TTC7B: variants seen among roughly 807,000 people sequenced by gnomAD.
The protein encoded by TTC7B is tetratricopeptide repeat protein 7B.
TTC7B carries 28 observed loss-of-function variants against 106.8 expected under a neutral mutation model. The observed-to-expected ratio is 0.26, with a 90% confidence interval of 0.19 to 0.36. TTC7B has a LOEUF of 0.36. Ranked by LOEUF, TTC7B falls within the 10% of genes least tolerant of loss-of-function variation. The probability of loss-of-function intolerance (pLI) is 1.00; values close to 1 mark genes in which losing one functional copy is unlikely to be tolerated. For synonymous variants in TTC7B, 405 were observed against 430.6 expected, an observed-to-expected ratio of 0.94 and a Z score of 0.74; for missense variants, 862 against 1,076.4, an observed-to-expected ratio of 0.80 and a Z score of 2.79.
chr14:90,580,022 C>T (rs1257298892), intron 18 of TTC7B, among the ~76,000 whole-genome samples: 1 of 152,194 alleles, frequency 6.6e-6, no homozygotes, highest in Non-Finnish European at 1.5e-5. Context: ...CCACCTGCTC[C>T]GAAGCCCTCC....
At chr14:90,703,009 T>C (rs988505444) in intron 5 of TTC7B, among the ~76,000 whole-genome samples, 2 of 152,094 alleles carry the variant, frequency 1.3e-5, no homozygotes, top group Non-Finnish European at 2.9e-5. Context: ...CACTAAAAAA[T>C]TTGAACTCAA....
chr14:90,635,759 CA>C (rs34829977), intron 15 of TTC7B, among the ~76,000 whole-genome samples: 36,512 of 110,450 alleles, frequency 0.33, 5,288 homozygotes, highest in Admixed American at 0.44. Flanking sequence ...GACTCTGTCT[CA>C]AAAAAAAAAA....
chr14:90,717,685 T>A (rs536102068), intron 5 of TTC7B, among the ~76,000 whole-genome samples: 5 of 152,190 alleles, frequency 3.3e-5, no homozygotes, highest in East Asian at 1.9e-4. Context: ...GATGATTTTT[T>A]AAAAACAGGT....
intron 5 of TTC7B, among the ~76,000 whole-genome samples, chr14:90,728,080 T>A (rs1468192947): frequency 6.6e-6 from 1 of 152,144 alleles, no homozygotes; most frequent in African/African-American, 2.4e-5. Flanking sequence ...TGGGGTATAT[T>A]CTGTGGCCCC....
At chr14:90,740,258 C>T (rs1889703365) in intron 4 of TTC7B, among the ~76,000 whole-genome samples, 1 of 152,152 alleles carries the variant, frequency 6.6e-6, no homozygotes, top group African/African-American at 2.4e-5. Context: ...GCACATGCTG[C>T]TGCTCTCAGC....
chr14:90,729,847 G>A (rs567087309), intron 5 of TTC7B, among the ~76,000 whole-genome samples: 41 of 152,184 alleles, frequency 2.7e-4, no homozygotes, highest in South Asian at 1.7e-3. Context: ...TTTTGACTTG[G>A]GTTCCCTCCC....
chr14:90,603,136 G>A (rs1892498248), intron 17 of TTC7B: 1 of 637,616 alleles, frequency 1.6e-6, no homozygotes, highest in African/African-American at 1.9e-5. Flanking sequence ...GTGGCAGAGG[G>A]ATGTCCACGT....
chr14:90,551,844 G>A (rs368435713), intron 19 of TTC7B, among the ~76,000 whole-genome samples: 5 of 152,174 alleles, frequency 3.3e-5, no homozygotes, highest in Non-Finnish European at 7.4e-5. Context: ...CAGCTGAGGG[G>A]GCAGCCCTGA....
At chr14:90,804,382 T>C (rs1465607508) in intron 1 of TTC7B, among the ~76,000 whole-genome samples, 1 of 151,546 alleles carries the variant, frequency 6.6e-6, no homozygotes, top group Non-Finnish European at 1.5e-5. Flanking sequence ...GCCTCGAGGC[T>C]GCAGGTCTGT....
chr14:90,766,101 C>T (rs910434544), intron 3 of TTC7B, among the ~76,000 whole-genome samples: 1 of 150,780 alleles, frequency 6.6e-6, no homozygotes, highest in East Asian at 1.9e-4. Flanking sequence ...ATATATACCC[C>T]AGGCTGATCC....
intron 16 of TTC7B, among the ~76,000 whole-genome samples, chr14:90,612,238 G>A (rs902656704): frequency 5.3e-5 from 8 of 152,136 alleles, no homozygotes; most frequent in African/African-American, 1.7e-4. Flanking sequence ...TTCCATAACT[G>A]AGAAACAATA....
intron 1 of TTC7B, among the ~76,000 whole-genome samples, chr14:90,797,978 G>A (rs1278519223): frequency 1.3e-5 from 2 of 152,196 alleles, no homozygotes; most frequent in African/African-American, 4.8e-5. Context: ...CCCATGCTCT[G>A]TGGCCTCTTG....
intron 18 of TTC7B, among the ~76,000 whole-genome samples, chr14:90,587,470 T>C (rs1359235160): frequency 6.6e-6 from 1 of 152,100 alleles, no homozygotes; most frequent in Non-Finnish European, 1.5e-5. Context: ...TGCCCCCAGG[T>C]CTTCCCACAT....
At chr14:90,745,430 G>A (rs1475469891) in intron 3 of TTC7B, among the ~76,000 whole-genome samples, 5 of 152,064 alleles carry the variant, frequency 3.3e-5, no homozygotes, top group Non-Finnish European at 7.4e-5. Flanking sequence ...TTTCTTAGAC[G>A]CCCTTTACCA....
intron 3 of TTC7B, among the ~76,000 whole-genome samples, chr14:90,765,504 A>G (rs1328453288): frequency 2.6e-5 from 4 of 152,224 alleles, no homozygotes; most frequent in Non-Finnish European, 5.9e-5. Context: ...TTAAAAAGCT[A>G]TAAACAGAAT....
At chr14:90,722,052 C>T (rs974330063) in intron 5 of TTC7B, among the ~76,000 whole-genome samples, 5 of 152,216 alleles carry the variant, frequency 3.3e-5, no homozygotes, top group African/African-American at 1.2e-4. Flanking sequence ...TGAAATGACT[C>T]ATATGAAGAG....
At chr14:90,558,739 TTC>T (rs1174777241) in intron 19 of TTC7B, among the ~76,000 whole-genome samples, 4 of 152,176 alleles carry the variant, frequency 2.6e-5, no homozygotes, top group Non-Finnish European at 4.4e-5. Flanking sequence ...TGCAGGGCGA[TTC>T]TAGTGCATTA....
rs933546750 is a variant in TTC7B, at chr14:90,657,085, G to A, written c.1341+89C>T. 18 of 1,124,982 alleles carry A rather than the reference G, an allele frequency of 1.6e-5. No homozygotes were observed. Among genetic ancestry groups the A allele is most frequent in the South Asian group, 9.5e-5 (7 of 73,426 alleles). The allele number at this position is 1,124,982 out of a possible 1,614,324, so 69.7% of individuals were successfully genotyped here. ...TTTGTACAGCTGATGAATCACCCTCGCTTTCTCTCTGTGCCTCGACATGAA... is the reference window on the plus strand; with the variant it reads ...TTTGTACAGCTGATGAATCACCCTCACTTTCTCTCTGTGCCTCGACATGAA... On this transcript the variant is annotated intron_variant, in intron 11 of 19. Transcript: ENST00000328459. This position sits in a 1 kb window ranked among gnomAD's most constrained non-coding sequence, Gnocchi z 4.2.
At chr14:90,586,849 G>C (rs991304717) in intron 18 of TTC7B, among the ~76,000 whole-genome samples, 1 of 152,148 alleles carries the variant, frequency 6.6e-6, no homozygotes, top group Non-Finnish European at 1.5e-5. Flanking sequence ...CAACTCATCA[G>C]TTCTTCCCCA....
Sources: gnomAD v4.1 joint callset for allele counts (sites outside exome capture counted in the v4.1 genomes callset) on GRCh38, gnomAD v4.1.1 for gene constraint, Gnocchi (gnomAD v3.1) non-coding constraint, MANE v1.5 for transcripts, NCBI Gene and HGNC (gene_info 2026-07-23, HGNC 2026-07-21) for gene names.